SV2C: variants seen among roughly 807,000 people sequenced by gnomAD.
SV2C encodes the protein solute carrier family 22 member B3.
SV2C carries 49 observed loss-of-function variants against 79.7 expected under a neutral mutation model. The observed-to-expected ratio is 0.61, with a 90% CI of 0.49 to 0.78. The LOEUF (loss-of-function observed/expected upper bound fraction) is 0.78, where lower values mean the gene tolerates loss of function less well. Ranked by LOEUF, SV2C falls within the 30% of genes least tolerant of loss-of-function variation. The probability of loss-of-function intolerance (pLI) is 0.00; values close to 1 mark genes in which losing one functional copy is unlikely to be tolerated. For missense variants in SV2C, 833 were observed against 912.9 expected, an observed-to-expected ratio of 0.91 and a Z score of 1.13; for synonymous variants, 334 against 333.2, an observed-to-expected ratio of 1.00 and a Z score of -0.03.
the SV2C span, among the ~76,000 whole-genome samples, chr5:76,050,909 A>G: frequency 6.6e-6 from 1 of 152,240 alleles, no homozygotes; most frequent in Non-Finnish European, 1.5e-5. Flanking sequence ...GAATACGTCC[A>G]AATCTCCTTG....
intron 4 of SV2C, among the ~76,000 whole-genome samples, chr5:76,216,579 C>T (rs1037246663): frequency 3.9e-5 from 6 of 152,282 alleles, no homozygotes; most frequent in Admixed American, 3.9e-4. Context: ...GGAGAATTGC[C>T]TAAAGCCAGG....
chr5:76,309,588 A>G (rs1474499011), intron 12 of SV2C, among the ~76,000 whole-genome samples: 1 of 140,610 alleles, frequency 7.1e-6, no homozygotes, highest in Non-Finnish European at 1.5e-5. Flanking sequence ...CGACAGAGCG[A>G]AACTCCATCT....
At chr5:75,883,391 C>T in the SV2C span, among the ~76,000 whole-genome samples, 4 of 145,022 alleles carry the variant, frequency 2.8e-5, no homozygotes, top group African/African-American at 8.3e-5. Flanking sequence ...CACATGCACA[C>T]GTATGTTTAT....
intron 12 of SV2C, among the ~76,000 whole-genome samples, chr5:76,321,300 G>GA (rs11419416): frequency 0.39 from 58,730 of 149,268 alleles, 11,932 homozygotes; most frequent in East Asian, 0.56. Context: ...CTCTTAGGGG[G>GA]AAAAAAAAAA....
intron 12 of SV2C, among the ~76,000 whole-genome samples, chr5:76,339,182 A>G (rs974334784): frequency 6.6e-6 from 1 of 152,176 alleles, no homozygotes; most frequent in Non-Finnish European, 1.5e-5. Flanking sequence ...CTCACAATTT[A>G]CGCATTTTAA....
chr5:76,308,543 T>C (rs1184283126), intron 12 of SV2C, among the ~76,000 whole-genome samples: 2 of 152,222 alleles, frequency 1.3e-5, no homozygotes, highest in Non-Finnish European at 2.9e-5. Context: ...GAGGTTATTA[T>C]CTAAAAGTTT....
At chr5:76,253,789 T>C (rs956969458) in intron 4 of SV2C, among the ~76,000 whole-genome samples, 1 of 151,912 alleles carries the variant, frequency 6.6e-6, no homozygotes, top group Non-Finnish European at 1.5e-5. Flanking sequence ...AGTTATTTAA[T>C]ATCACCGAGT....
chr5:76,143,285 G>A (rs1285939320), intron 2 of SV2C, among the ~76,000 whole-genome samples: 1 of 152,150 alleles, frequency 6.6e-6, no homozygotes, highest in East Asian at 1.9e-4. Context: ...GTGGTCAGAT[G>A]ATGAGACACA....
At chr5:76,059,673 A>G in the SV2C span, among the ~76,000 whole-genome samples, 1 of 152,156 alleles carries the variant, frequency 6.6e-6, no homozygotes, top group South Asian at 2.1e-4. Context: ...CATCCATGAG[A>G]GTTGGCATCA....
chr5:75,899,196 G>C, the SV2C span, among the ~76,000 whole-genome samples: 2 of 152,092 alleles, frequency 1.3e-5, no homozygotes, highest in Non-Finnish European at 2.9e-5. Flanking sequence ...GCTTTCTCTT[G>C]TGGGCATTTA....
chr5:76,288,903 A>T (rs1325121185), intron 6 of SV2C, among the ~76,000 whole-genome samples: 2 of 151,074 alleles, frequency 1.3e-5, no homozygotes, highest in Non-Finnish European at 2.9e-5. Context: ...TTTTTGAGAC[A>T]GGGTCTCGTT....
At chr5:76,233,480 A>G (rs1477201790) in intron 4 of SV2C, among the ~76,000 whole-genome samples, 1 of 141,344 alleles carries the variant, frequency 7.1e-6, no homozygotes, top group Non-Finnish European at 1.5e-5. Flanking sequence ...CACTATGTTG[A>G]ATAGGAGTGG....
At chr5:75,963,817 A>T in the SV2C span, among the ~76,000 whole-genome samples, 2 of 152,024 alleles carry the variant, frequency 1.3e-5, no homozygotes, top group Non-Finnish European at 2.9e-5. Flanking sequence ...TGTCTTAGAA[A>T]GTTACTCTAT....
intron 8 of SV2C, among the ~76,000 whole-genome samples, chr5:76,293,437 A>G (rs769307649): frequency 6.6e-6 from 1 of 152,310 alleles, no homozygotes. Flanking sequence ...TGGAACCTCA[A>G]TAGTGCCTAG....
In SV2C at chr5:76,114,469, T is replaced by A. The variant is rs74405011; in HGVS notation, c.-101-17181T>A. 6.7e-3 allele frequency among the ~76,000 whole-genome samples: 1,016 copies of A among 152,360 alleles called. 9 individuals carry two copies. Among genetic ancestry groups the A allele is most frequent in the Non-Finnish European group, 0.012 (822 of 68,032 alleles). On this transcript the variant is annotated intron_variant, in intron 1 of 12. Coordinates refer to ENST00000502798, the MANE Select transcript of SV2C (RefSeq NM_014979.4). Reference sequence around the variant, plus strand: ...CTGGGGGCTCTGTTTCCTCCTCTTGTTGACATCTATGAGAGTTTCCTGAGG... The same window carrying A: ...CTGGGGGCTCTGTTTCCTCCTCTTGATGACATCTATGAGAGTTTCCTGAGG...
upstream of SV2C, chr5:76,079,112 G>A: frequency 2.8e-6 from 1 of 357,948 alleles, no homozygotes; most frequent in South Asian, 2.6e-5. Context: ...TCACCTTATT[G>A]GAACATTACA....
chr5:75,938,750 A>G, the SV2C span, among the ~76,000 whole-genome samples: 1 of 152,186 alleles, frequency 6.6e-6, no homozygotes, highest in Non-Finnish European at 1.5e-5. Flanking sequence ...GACAACCTGT[A>G]TGCTTACGAT....
At chr5:76,262,293 T>G (rs973876815) in intron 4 of SV2C, among the ~76,000 whole-genome samples, 1 of 152,130 alleles carries the variant, frequency 6.6e-6, no homozygotes, top group Non-Finnish European at 1.5e-5. Context: ...TCCCTTTTTT[T>G]GTTTTTTATT....
chr5:76,237,754 C>G (rs937325116), intron 4 of SV2C, among the ~76,000 whole-genome samples: 1 of 152,010 alleles, frequency 6.6e-6, no homozygotes, highest in Non-Finnish European at 1.5e-5. Context: ...AGATATTGCC[C>G]ACTGTCATCT....
Sources: gnomAD v4.1 joint callset for allele counts (sites outside exome capture counted in the v4.1 genomes callset) on GRCh38, gnomAD v4.1.1 for gene constraint, MANE v1.5 for transcripts, NCBI Gene and HGNC (gene_info 2026-07-23, HGNC 2026-07-21) for gene names.